ADGRV1: variants seen among roughly 807,000 people sequenced by gnomAD.
ADGRV1 encodes the protein adhesion G protein-coupled receptor V1.
In ADGRV1, 359 loss-of-function variants were observed where a neutral mutation model predicts 596.2. The observed-to-expected ratio is 0.60, with a 90% CI of 0.55 to 0.66. The LOEUF is 0.66. ADGRV1 is among the 30% of genes least tolerant of loss of function. ADGRV1 has a pLI of 0.00. For synonymous variants in ADGRV1, 2,681 were observed against 2,679.2 expected (o/e 1.00, Z -0.02); for missense variants, 7,274 against 7,575.6 (o/e 0.96, Z 1.48).
chr5:90,608,985 T>C (rs1183596748), intron 1 of ADGRV1, among the ~76,000 whole-genome samples: 1 of 152,154 alleles, frequency 6.6e-6, no homozygotes, highest in East Asian at 1.9e-4. Flanking sequence ...AGAGATACAA[T>C]GTTGATGGTA....
At position 91,149,914 on chromosome 5, in the gene ADGRV1, A is replaced by G. The variant is rs904539432; in HGVS notation, c.18433-116A>G. On this transcript the variant is annotated intron_variant, in intron 87 of 89. Transcript: ENST00000405460. ...GTCTTGGGTATTTCTTCATAGCAGC[A>G]TGAGAATGGACCAATACAACCATGT... 3.5e-5 allele frequency: 24 copies of G among 695,250 alleles called. No homozygotes were observed. In the South Asian group the frequency reaches 6.1e-4, roughly 18 times the overall value. The allele number at this position is 695,250 out of a possible 1,614,324, so 43.1% of individuals were successfully genotyped here. A position where few individuals can be genotyped will look rare whatever the true frequency, so the allele number is the denominator to read the frequency against.
In ADGRV1 at chr5:91,102,278, C is replaced by T; in HGVS notation, c.18370C>T (p.Leu6124=). The change falls in exon 87 of 90, where the codon CTA becomes TTA. Residue 6124 remains leucine (L), a synonymous_variant. Transcript: ENST00000405460. ...LISVTWLWGG[L]HMAYRHFWML... ...TTCCGTGACATGGCTTTGGGGAGGA[C>T]TACACATGGCCTACAGACACTTCTG... 6.2e-7 allele frequency: 1 copy of T among 1,610,548 alleles called. No homozygotes were observed. The highest frequency in any genetic ancestry group is 8.5e-7 in the Non-Finnish European group (1 of 1,178,026).
chr5:90,694,634 T>C lies in ADGRV1; in HGVS notation c.7878T>C (p.Val2626=). The change falls in exon 33 of 90, where the codon GTT becomes GTC. Residue 2626 remains valine (V), a synonymous_variant. Transcript: ENST00000405460. ...GTCAAGTGGCAGTCGAATGGCGTGT[T>C]GTTGGTGGAACAGCTACTGAAGGTT... ...SLGQVAVEWR[V]VGGTATEGLD... is the part of the protein sequence containing the mutation. The C allele has an allele frequency of 6.2e-7, 1 of 1,613,562 alleles. No homozygotes were observed. Among genetic ancestry groups the C allele is most frequent in the Non-Finnish European group, 8.5e-7 (1 of 1,179,656 alleles).
chr5:91,147,406 T>G (rs968213513), intron 87 of ADGRV1, among the ~76,000 whole-genome samples: 10 of 152,176 alleles, frequency 6.6e-5, no homozygotes, highest in Non-Finnish European at 1.5e-4. Flanking sequence ...AAATCTCGCC[T>G]TGGATTGTAA....
chr5:90,827,646 T>G (rs1303369704), intron 76 of ADGRV1, among the ~76,000 whole-genome samples: 1 of 152,210 alleles, frequency 6.6e-6, no homozygotes, highest in Non-Finnish European at 1.5e-5. Context: ...TGATAGTGCT[T>G]TAGTTTATTG....
At chr5:90,803,773 T>C (rs1324539814) in intron 71 of ADGRV1, among the ~76,000 whole-genome samples, 1 of 151,968 alleles carries the variant, frequency 6.6e-6, no homozygotes, top group Admixed American at 6.6e-5. Context: ...AATGAGGAAA[T>C]AGAATTGATT....
chr5:91,124,161 T>G (rs576792122), intron 87 of ADGRV1, among the ~76,000 whole-genome samples: 57 of 152,166 alleles, frequency 3.7e-4, no homozygotes, highest in Non-Finnish European at 7.1e-4. Context: ...TTTTACTGAG[T>G]AGAATTTTTT....
intron 85 of ADGRV1, 127 bp from the exon 86 acceptor site, chr5:91,072,320 C>A: frequency 1.2e-6 from 1 of 848,792 alleles, no homozygotes; most frequent in Non-Finnish European, 1.9e-6. Context: ...GTTTGGCAAA[C>A]CAAAAATCTG....
At chr5:90,800,858 T>C (rs1761289680) in intron 70 of ADGRV1, among the ~76,000 whole-genome samples, 2 of 151,768 alleles carry the variant, frequency 1.3e-5, no homozygotes, top group South Asian at 2.1e-4. Context: ...CACTCATAAG[T>C]GGTAGTTGAA....
chr5:90,592,072 T>G (rs542565431), intron 1 of ADGRV1, among the ~76,000 whole-genome samples: 247 of 152,266 alleles, frequency 1.6e-3, no homozygotes, highest in African/African-American at 5.6e-3. Context: ...GGAGATTCCT[T>G]AAAAGTAGAT....
chr5:91,116,449 T>C (rs1365302816), intron 87 of ADGRV1, among the ~76,000 whole-genome samples: 1 of 152,220 alleles, frequency 6.6e-6, no homozygotes, highest in Non-Finnish European at 1.5e-5. Flanking sequence ...GTATTAACAT[T>C]AACTGCCTTT....
At chr5:91,022,754 G>A (rs1422303955) in intron 85 of ADGRV1, among the ~76,000 whole-genome samples, 1 of 152,036 alleles carries the variant, frequency 6.6e-6, no homozygotes, top group African/African-American at 2.4e-5. Context: ...AACTAAAATT[G>A]GGTCACAGAT....
At chr5:90,566,044 A>T (rs1049804318) in intron 1 of ADGRV1, among the ~76,000 whole-genome samples, 2 of 152,064 alleles carry the variant, frequency 1.3e-5, no homozygotes, top group Non-Finnish European at 2.9e-5. Context: ...GAGTCATAAG[A>T]GTTCTTCGCA....
chr5:90,861,527 T>G (rs2438340), intron 82 of ADGRV1, among the ~76,000 whole-genome samples: 1 of 151,564 alleles, frequency 6.6e-6, no homozygotes. Flanking sequence ...GCCAGGATGG[T>G]CTCGATCTCC....
At chr5:91,125,594 C>T (rs1793679869) in intron 87 of ADGRV1, among the ~76,000 whole-genome samples, 1 of 152,146 alleles carries the variant, frequency 6.6e-6, no homozygotes, top group Admixed American at 6.5e-5. Context: ...ATCCCTAAAT[C>T]CCAGTAAATG....
At chr5:91,026,851 T>C (rs1190014739) in intron 85 of ADGRV1, among the ~76,000 whole-genome samples, 1 of 152,050 alleles carries the variant, frequency 6.6e-6, no homozygotes, top group South Asian at 2.1e-4. Flanking sequence ...TAGTCCTTGC[T>C]GTCTAACTAG....
chr5:90,708,107 A>G (rs538051519), intron 38 of ADGRV1, among the ~76,000 whole-genome samples: 1 of 152,344 alleles, frequency 6.6e-6, no homozygotes, highest in East Asian at 1.9e-4. Flanking sequence ...TTATATATGC[A>G]TAAATATACA....
chr5:91,102,454 A>G (rs1791471295), intron 87 of ADGRV1, 114 bp downstream of exon 87: 3 of 811,622 alleles, frequency 3.7e-6, no homozygotes, highest in Non-Finnish European at 5.5e-6. Flanking sequence ...TGTGTACATA[A>G]TAACATCATA....
At chr5:90,626,219 G>C (rs765912142) in intron 6 of ADGRV1, 1 of 151,854 alleles carries the variant, frequency 6.6e-6, no homozygotes, top group Non-Finnish European at 1.5e-5. Flanking sequence ...ATGTATTAGA[G>C]TATTAGAAGA....
Sources: gnomAD v4.1 joint callset for allele counts (sites outside exome capture counted in the v4.1 genomes callset) on GRCh38, gnomAD v4.1.1 for gene constraint, MANE v1.5 for transcripts, NCBI Gene and HGNC (gene_info 2026-07-23, HGNC 2026-07-21) for gene names.